Variants in EXT2 observed in about 807,000 individuals in gnomAD.
The protein encoded by EXT2 is exostosin glycosyltransferase 2.
A neutral mutation model predicts 81.6 loss-of-function variants in EXT2; 53 were observed. That is an observed-to-expected ratio of 0.65 (90% CI 0.52 to 0.82). EXT2 has a LOEUF of 0.82. Ranked by LOEUF, EXT2 falls within the 40% of genes least tolerant of loss-of-function variation. The probability of loss-of-function intolerance (pLI) is 0.00; values close to 1 mark genes in which losing one functional copy is unlikely to be tolerated. For synonymous variants in EXT2, 320 were observed against 340.0 expected (o/e 0.94, Z 0.65); for missense variants, 774 against 910.2 (o/e 0.85, Z 1.93).
intron 7 of EXT2, among the ~76,000 whole-genome samples, chr11:44,139,173 A>G (rs960912464): frequency 6.7e-6 from 1 of 149,834 alleles, no homozygotes; most frequent in African/African-American, 2.5e-5. Flanking sequence ...GTAGGGAGAT[A>G]AAAATCAGTG....
In EXT2 at chr11:44,244,172, C is replaced by T. The variant is rs1420550956; in HGVS notation, c.2042C>T (p.Ala681Val). ...VERSECINKF[A>V]SVFGTMPLKV... is the part of the protein sequence containing the mutation. ...AGGTCAGAGTGCATCAACAAGTTTG[C>T]TTCAGTCTTCGGGACCATGCCTCTC... is the stretch of plus-strand genomic sequence containing the variant. The change falls in exon 14 of 14, where the codon GCT becomes GTT. Residue 681 changes from alanine (A) to valine (V), a missense_variant. Physicochemically the swap from Ala to Val is moderately conservative, Grantham distance 64. Transcript: ENST00000533608. 1 of 1,614,100 alleles carries T rather than the reference C, an allele frequency of 6.2e-7. No homozygotes were observed. The highest frequency in any genetic ancestry group is 1.7e-5 in the Admixed American group (1 of 60,022).
chr11:44,107,786 A>G lies in EXT2; in HGVS notation c.74A>G (p.Tyr25Cys), dbSNP rs1954077332. The G allele has an allele frequency of 6.2e-7, 1 of 1,614,100 alleles. No homozygotes were observed. Among genetic ancestry groups the G allele is most frequent in the Non-Finnish European group, 8.5e-7 (1 of 1,180,026 alleles). ...AGAATGAAGACCAAGCACCGAATCT[A>G]CTATATCACCCTCTTCTCCATTGTC... ...IPRMKTKHRI[Y>C]YITLFSIVLL... The change falls in exon 2 of 14, where the codon TAC (tyrosine) becomes TGC (cysteine). Residue 25 changes from tyrosine to cysteine, a missense_variant. Physicochemically the swap from Tyr to Cys is radical, Grantham distance 194 (BLOSUM62 -2). Around this residue, in one of 2 missense-constraint regions of EXT2, gnomAD observed 626 missense variants for 670.5 expected, o/e 0.93. Transcript: ENST00000533608.
intron 10 of EXT2, among the ~76,000 whole-genome samples, chr11:44,226,530 G>T (rs1955839962): frequency 6.6e-6 from 1 of 152,170 alleles, no homozygotes; most frequent in South Asian, 2.1e-4. Flanking sequence ...GTAGTTAAAA[G>T]CATAAGCTGA....
chr11:44,114,305 A>G lies in EXT2; in HGVS notation c.743+4A>G, dbSNP rs2134985639. ...ATCTTCCAGAGAAAGGACCAGGGTAAGGTACATTCATCCCAGCCAGGTGTG... is the reference window on the plus strand; with the variant it reads ...ATCTTCCAGAGAAAGGACCAGGGTAGGGTACATTCATCCCAGCCAGGTGTG... On this transcript the variant is annotated splice_donor_region_variant and intron_variant, in intron 4 of 13. Coordinates refer to ENST00000533608, the MANE Select transcript of EXT2 (RefSeq NM_207122.2). 1 of 1,610,126 alleles carries G rather than the reference A, an allele frequency of 6.2e-7. No individual in the cohort carries two copies.
intron 7 of EXT2, among the ~76,000 whole-genome samples, chr11:44,154,960 T>A (rs1458947180): frequency 2.6e-5 from 4 of 152,192 alleles, no homozygotes; most frequent in Non-Finnish European, 5.9e-5. Context: ...AATTAGATTT[T>A]TTTTTTGCTA....
chr11:44,142,420 T>G (rs1234883305), intron 7 of EXT2, among the ~76,000 whole-genome samples: 1 of 152,232 alleles, frequency 6.6e-6, no homozygotes, highest in African/African-American at 2.4e-5. Flanking sequence ...TTTCTACCGG[T>G]AACTTAAAGG....
chr11:44,170,149 G>A (rs973465001), intron 7 of EXT2, among the ~76,000 whole-genome samples: 7 of 152,080 alleles, frequency 4.6e-5, no homozygotes, highest in Non-Finnish European at 1.0e-4. Flanking sequence ...GAAATCACAT[G>A]CGTTCTCTGA....
chr11:44,191,077 G>C (rs1199253482), intron 8 of EXT2, among the ~76,000 whole-genome samples: 1 of 152,212 alleles, frequency 6.6e-6, no homozygotes, highest in Non-Finnish European at 1.5e-5. Context: ...CCTCTCACTA[G>C]TGTCTGCACA....
At chr11:44,227,008 C>T (rs984224508) in intron 10 of EXT2, among the ~76,000 whole-genome samples, 5 of 152,226 alleles carry the variant, frequency 3.3e-5, no homozygotes, top group African/African-American at 7.2e-5. Context: ...ATACATTGCT[C>T]ACCCAGTAGC....
rs570921366 is a variant in EXT2, at chr11:44,234,237, T to A, written c.1929T>A (p.Val643=). 6.2e-7 allele frequency: 1 copy of A among 1,614,026 alleles called. No homozygotes were observed. Among genetic ancestry groups the A allele is most frequent in the Non-Finnish European group, 8.5e-7 (1 of 1,179,954 alleles). ...FLVANVTGKA[V]IKVTPRKKFK... ...TGGCCAACGTCACGGGAAAAGCAGT[T>A]ATCAAGGTAGGAGGCTCTGCCACTC... Residue 643 remains valine, a synonymous_variant, in exon 12 of 14, where the codon GTT becomes GTA. Transcript: ENST00000533608.
rs1481263467 is a variant in EXT2, at chr11:44,246,477, T to C, written c.*2190T>C. Among the ~76,000 whole-genome samples the C allele has an allele frequency of 1.3e-5, 2 of 152,178 alleles. No homozygotes were observed. The highest frequency in any genetic ancestry group is 2.9e-5 in the Non-Finnish European group (2 of 68,034). ...GTGAGCCCTAGAGAGCTGTGTGACT[T>C]TATCATCGTCATAGGAGTCATTGGA... On this transcript the variant is annotated 3_prime_UTR_variant, in exon 14 of 14. Coordinates refer to ENST00000533608, the MANE Select transcript of EXT2 (RefSeq NM_207122.2).
chr11:44,145,488 T>C (rs915361282), intron 7 of EXT2, among the ~76,000 whole-genome samples: 1 of 152,142 alleles, frequency 6.6e-6, no homozygotes, highest in Admixed American at 6.5e-5. Flanking sequence ...TGTTCTATGG[T>C]CATGGGTATT....
intron 8 of EXT2, among the ~76,000 whole-genome samples, chr11:44,187,057 C>T (rs1185484208): frequency 6.8e-6 from 1 of 146,392 alleles, no homozygotes; most frequent in Non-Finnish European, 1.5e-5. Context: ...CTCCTTCCCT[C>T]CTCCCTCCCT....
chr11:44,115,456 A>G lies in EXT2; in HGVS notation c.743+1155A>G, dbSNP rs74795428. Among the ~76,000 whole-genome samples, 1,067 of 152,282 alleles carry G rather than the reference A, an allele frequency of 7.0e-3. 12 individuals carry two copies. The highest frequency in any genetic ancestry group is 0.024 in the African/African-American group (983 of 41,570). The stretch of plus-strand genomic sequence containing the variant: ...AGGGCTGACAACATGAATGTGCAGC[A>G]TGGATGTAACCTTTTTTTTTCTGTA... On this transcript the variant is annotated intron_variant, in intron 4 of 13. Coordinates refer to ENST00000533608, the MANE Select transcript of EXT2 (RefSeq NM_207122.2).
Position 44,195,461 on chromosome 11 carries a change from G to A in EXT2, c.1306-2368G>A, listed in dbSNP as rs151089342. Among the ~76,000 whole-genome samples, 498 of 152,032 alleles carry A rather than the reference G, an allele frequency of 3.3e-3. 1 individual carries two copies. Among genetic ancestry groups the A allele is most frequent in the Non-Finnish European group, 5.4e-3 (367 of 67,936 alleles). ...AAAAAAAAGAAAAAGAAAAGATGGCGTTTCCTATTGTGTCTCTTGGTTGTG... is the reference window on the plus strand; with the variant it reads ...AAAAAAAAGAAAAAGAAAAGATGGCATTTCCTATTGTGTCTCTTGGTTGTG... On this transcript the variant is annotated intron_variant, in intron 8 of 13. Transcript: ENST00000533608.
In EXT2 at chr11:44,207,011, C is replaced by G. The variant is rs756738840; in HGVS notation, c.1662+52C>G. 10 of 1,559,430 alleles carry G rather than the reference C, an allele frequency of 6.4e-6. No individual in the cohort carries two copies. In the African/African-American group the frequency reaches 6.8e-5, roughly 11 times the overall value. Reference sequence around the variant, plus strand: ...ATATGTTTAATATTACTTCCTATGACTGCTTGTCTTTTCTAAAAAAGAGTA... The same window carrying G: ...ATATGTTTAATATTACTTCCTATGAGTGCTTGTCTTTTCTAAAAAAGAGTA... On this transcript the variant is annotated intron_variant, in intron 10 of 13. Transcript: ENST00000533608.
At chr11:44,234,672 A>G (rs1354152323) in intron 12 of EXT2, among the ~76,000 whole-genome samples, 1 of 152,148 alleles carries the variant, frequency 6.6e-6, no homozygotes, top group African/African-American at 2.4e-5. Context: ...CCTAAACACA[A>G]CGAATTTAAT....
chr11:44,192,248 T>C (rs1384507938), intron 8 of EXT2, among the ~76,000 whole-genome samples: 1 of 151,972 alleles, frequency 6.6e-6, no homozygotes, highest in Non-Finnish European at 1.5e-5. Context: ...AAGGCACTGC[T>C]CAGACCTCCT....
chr11:44,199,425 CTA>C (rs1245985320), intron 9 of EXT2, among the ~76,000 whole-genome samples: 1 of 152,210 alleles, frequency 6.6e-6, no homozygotes, highest in Non-Finnish European at 1.5e-5. Context: ...AAAGGATGGG[CTA>C]TGTTTGCAGA....
Sources: allele counts gnomAD v4.1 joint callset (sites outside exome capture counted in the v4.1 genomes callset), GRCh38; gene constraint gnomAD v4.1.1; regional missense constraint gnomAD v4.1.1; transcripts MANE v1.5; gene names NCBI Gene and HGNC (gene_info 2026-07-23, HGNC 2026-07-21).